The following ITFG1 variants were observed in gnomAD, a reference collection of about 807,000 sequenced individuals.
ITFG1 encodes integrin alpha FG-GAP repeat containing 1.
Under a neutral mutation model 81.8 loss-of-function variants are expected in ITFG1, and 34 were observed. The ratio of observed to expected loss-of-function variants is 0.42; its 90% confidence interval spans 0.32 to 0.55. ITFG1 has a LOEUF of 0.55. Among genes scored for constraint, ITFG1 ranks in the 20% least tolerant of loss-of-function variants. ITFG1 has a pLI of 0.17. For synonymous variants in ITFG1, 285 were observed against 270.6 expected (o/e 1.05, Z -0.52); for missense variants, 672 against 755.4 (o/e 0.89, Z 1.29).
intron 6 of ITFG1, among the ~76,000 whole-genome samples, chr16:47,406,318 A>G (rs538042383): frequency 1.4e-4 from 22 of 152,356 alleles, no homozygotes; most frequent in African/African-American, 5.3e-4. Flanking sequence ...AAATTCCCAC[A>G]GCCAAAGTAT....
chr16:47,240,406 T>A (rs1414164606), intron 12 of ITFG1, among the ~76,000 whole-genome samples: 1 of 151,910 alleles, frequency 6.6e-6, no homozygotes, highest in Admixed American at 6.6e-5. Flanking sequence ...AAATGTATAT[T>A]TGACAAAGAC....
chr16:47,385,689 T>C (rs1282316952), intron 6 of ITFG1, among the ~76,000 whole-genome samples: 2 of 152,228 alleles, frequency 1.3e-5, no homozygotes, highest in Non-Finnish European at 2.9e-5. Flanking sequence ...TTTTCCTCAG[T>C]TTTCTCTGCC....
At chr16:47,244,402 A>G (rs1443709389) in intron 12 of ITFG1, among the ~76,000 whole-genome samples, 1 of 152,144 alleles carries the variant, frequency 6.6e-6, no homozygotes, top group Non-Finnish European at 1.5e-5. Context: ...CTGACAGATT[A>G]TCTCTAGGTA....
rs1458012739 is a variant in ITFG1 at position 47,303,999 on chromosome 16, G to A, written c.1070+7241C>T. On this transcript the variant is annotated intron_variant, in intron 10 of 17. Coordinates refer to ENST00000320640, the MANE Select transcript of ITFG1 (RefSeq NM_030790.5). ...ACTTAAATTAGTCTGATCGGACTAA[G>A]TCACTGGGATTTGGAAAAAAAAAAT... is the stretch of plus-strand genomic sequence containing the variant. Among the ~76,000 whole-genome samples the A allele has an allele frequency of 4.6e-5, 7 of 151,948 alleles. No homozygotes were observed. The South Asian group carries it at 1.5e-3, about 32-fold the overall frequency.
chr16:47,221,295 G>T (rs184110176), intron 13 of ITFG1, among the ~76,000 whole-genome samples: 1 of 152,086 alleles, frequency 6.6e-6, no homozygotes, highest in African/African-American at 2.4e-5. Context: ...TAGCATGAAG[G>T]GTTGTTGAAT....
At chr16:47,454,305 C>A in intron 2 of ITFG1, 147 bp from the exon 3 acceptor site, 1 of 710,218 alleles carries the variant, frequency 1.4e-6, no homozygotes. Flanking sequence ...TCTTTTCATC[C>A]ATCATGTATT....
chr16:47,453,126 C>T (rs968374252), intron 3 of ITFG1, among the ~76,000 whole-genome samples: 4 of 152,204 alleles, frequency 2.6e-5, no homozygotes, highest in African/African-American at 9.7e-5. Flanking sequence ...AAGAAGGCCA[C>T]ATATGCAAAA....
intron 8 of ITFG1, among the ~76,000 whole-genome samples, chr16:47,346,151 G>T (rs896096485): frequency 6.6e-6 from 1 of 152,170 alleles, no homozygotes; most frequent in Non-Finnish European, 1.5e-5. Flanking sequence ...CTTACAGAAT[G>T]AGTTTGGAAG....
At position 47,340,951 on chromosome 16, in the gene ITFG1, T is replaced by G. The variant is rs537619537; in HGVS notation, c.802+24837A>C. Reference sequence around the variant, plus strand: ...CAAGAAGATATAACAACTGTAATCATACATACACCTAAAAACATAGGCTCA... The same window carrying G: ...CAAGAAGATATAACAACTGTAATCAGACATACACCTAAAAACATAGGCTCA... On this transcript the variant is annotated intron_variant, in intron 8 of 17. Coordinates refer to ENST00000320640, the MANE Select transcript of ITFG1 (RefSeq NM_030790.5). Among the ~76,000 whole-genome samples the G allele has an allele frequency of 2.0e-5, 3 of 152,228 alleles. No individual in the cohort carries two copies. The East Asian group carries it at 5.8e-4, about 29-fold the overall frequency.
chr16:47,445,591 A>T (rs1375139032), intron 5 of ITFG1, among the ~76,000 whole-genome samples: 3 of 152,180 alleles, frequency 2.0e-5, no homozygotes, highest in African/African-American at 7.2e-5. Context: ...GCTCTTTTGC[A>T]TTCAATTTTG....
intron 8 of ITFG1, among the ~76,000 whole-genome samples, chr16:47,353,220 T>TA (rs1162767969): frequency 3.3e-5 from 5 of 151,242 alleles, no homozygotes; most frequent in South Asian, 4.2e-4. Context: ...TAAAAAAAAT[T>TA]AAAAAAAAGA....
intron 8 of ITFG1, among the ~76,000 whole-genome samples, chr16:47,334,464 T>A (rs1195658369): frequency 1.3e-5 from 2 of 152,142 alleles, no homozygotes; most frequent in African/African-American, 4.8e-5. Context: ...TTATTCTATA[T>A]TAAACAAACA....
intron 8 of ITFG1, among the ~76,000 whole-genome samples, chr16:47,322,064 A>T (rs953108933): frequency 1.3e-5 from 2 of 152,200 alleles, no homozygotes; most frequent in African/African-American, 4.8e-5. Flanking sequence ...TAAATAGCAT[A>T]CAGGTTGATT....
At chr16:47,380,048 CA>C (rs763213367) in intron 6 of ITFG1, among the ~76,000 whole-genome samples, 227 of 49,098 alleles carry the variant, frequency 4.6e-3, no homozygotes, top group South Asian at 0.032. Flanking sequence ...CTTGGGTAGC[CA>C]AAAAAAAAAA....
At chr16:47,279,341 T>C (rs566342142) in intron 10 of ITFG1, among the ~76,000 whole-genome samples, 5 of 152,322 alleles carry the variant, frequency 3.3e-5, no homozygotes, top group African/African-American at 9.6e-5. Flanking sequence ...AGGTTTTTTT[T>C]TCCCTGCTAG....
At chr16:47,435,221 A>G (rs573082285) in intron 5 of ITFG1, among the ~76,000 whole-genome samples, 1 of 152,344 alleles carries the variant, frequency 6.6e-6, no homozygotes, top group South Asian at 2.1e-4. Flanking sequence ...TGTACAAATT[A>G]TAGTTTTTCA....
intron 14 of ITFG1, among the ~76,000 whole-genome samples, chr16:47,190,461 AAC>A (rs1285907376): frequency 2.0e-5 from 3 of 152,204 alleles, no homozygotes; most frequent in African/African-American, 7.2e-5. Flanking sequence ...AAAACACAAA[AAC>A]ACCTTTAAAT....
chr16:47,363,276 T>C (rs2151586009), intron 8 of ITFG1, among the ~76,000 whole-genome samples: 1 of 152,206 alleles, frequency 6.6e-6, no homozygotes, highest in East Asian at 1.9e-4. Flanking sequence ...ATTTAAAGCA[T>C]AATAGAAGTT....
intron 7 of ITFG1, among the ~76,000 whole-genome samples, chr16:47,375,523 T>G (rs1302789279): frequency 6.6e-6 from 1 of 152,168 alleles, no homozygotes; most frequent in Non-Finnish European, 1.5e-5. Flanking sequence ...GGGGAAAAAT[T>G]GGTCTTTTTA....
Sources: allele counts gnomAD v4.1 joint callset (sites outside exome capture counted in the v4.1 genomes callset), GRCh38; gene constraint gnomAD v4.1.1; transcripts MANE v1.5; gene names NCBI Gene and HGNC (gene_info 2026-07-23, HGNC 2026-07-21).